MAPRE3: variants seen among roughly 807,000 people sequenced by gnomAD.
The protein encoded by MAPRE3 is microtubule-associated protein RP/EB family member 3.
MAPRE3 carries 2 observed loss-of-function variants against 30.5 expected under a neutral mutation model. The ratio of observed to expected loss-of-function variants is 0.07; its 90% CI spans 0.03 to 0.21. The LOEUF (loss-of-function observed/expected upper bound fraction) is 0.21, where lower values mean the gene tolerates loss of function less well. Ranked by LOEUF, MAPRE3 falls within the 10% of genes least tolerant of loss-of-function variation. MAPRE3 has a pLI of 1.00. For synonymous variants in MAPRE3, 110 were observed against 127.7 expected (o/e 0.86, Z 0.93); for missense variants, 204 against 351.8 (o/e 0.58, Z 3.36).
At chr2:27,023,601 C>T (rs777343894) in intron 3 of MAPRE3, 124 bp downstream of exon 3, 14 of 1,179,528 alleles carry the variant, frequency 1.2e-5, no homozygotes, top group East Asian at 2.4e-5. Context: ...CTCCACCTCC[C>T]GACTCTCCAG....
chr2:26,977,198 G>A (rs1415175055), intron 1 of MAPRE3, among the ~76,000 whole-genome samples: 7 of 152,296 alleles, frequency 4.6e-5, no homozygotes, highest in Admixed American at 3.3e-4. Context: ...GATTAAAAAC[G>A]AATGGCTTTC....
chr2:26,992,682 C>A lies in MAPRE3; in HGVS notation c.-8+21880C>A, dbSNP rs116099971. ...TGACAAATGTAAGATACTGCCTCATCCCTGCCCTTGAATTCATGTTATAGT... is the reference window on the plus strand; with the variant it reads ...TGACAAATGTAAGATACTGCCTCATACCTGCCCTTGAATTCATGTTATAGT... On this transcript the variant is annotated intron_variant, in intron 1 of 6. Coordinates refer to ENST00000233121, the MANE Select transcript of MAPRE3 (RefSeq NM_012326.4). 2.9e-3 allele frequency among the ~76,000 whole-genome samples: 437 copies of A among 152,286 alleles called. 3 individuals are homozygous for A. Among genetic ancestry groups the A allele is most frequent in the African/African-American group, 0.01 (428 of 41,542 alleles).
chr2:27,022,111 A>C, intron 1 of MAPRE3, 101 bp from the exon 2 acceptor site: 3 of 1,381,222 alleles, frequency 2.2e-6, no homozygotes, highest in Non-Finnish European at 3.0e-6. Flanking sequence ...ATCTGGAGGG[A>C]ATGTTTCTTA....
rs1181331190 is a variant in MAPRE3 at position 26,973,726 on chromosome 2, T to C, written c.-8+2924T>C. On this transcript the variant is annotated intron_variant, in intron 1 of 6. Coordinates refer to ENST00000233121, the MANE Select transcript of MAPRE3 (RefSeq NM_012326.4). ...GCCCGCCACCGCGCCCGGCTAATTT[T>C]TTGTATTTTTAGTAGAGACGGGGTT... 2.0e-5 allele frequency among the ~76,000 whole-genome samples: 3 copies of C among 151,704 alleles called. No individual in the cohort carries two copies. In the East Asian group the frequency reaches 5.8e-4, roughly 30 times the overall value.
At chr2:26,999,807 A>G (rs964518806) in intron 1 of MAPRE3, among the ~76,000 whole-genome samples, 2 of 152,062 alleles carry the variant, frequency 1.3e-5, no homozygotes, top group African/African-American at 4.8e-5. Flanking sequence ...CAGCCCAACT[A>G]CATGCACTTT....
chr2:26,989,485 G>C (rs1666291470), intron 1 of MAPRE3, among the ~76,000 whole-genome samples: 1 of 152,198 alleles, frequency 6.6e-6, no homozygotes, highest in Non-Finnish European at 1.5e-5. Context: ...ATCAGGGTAG[G>C]AAAGTCGGTT....
intron 1 of MAPRE3, among the ~76,000 whole-genome samples, chr2:26,998,799 C>T (rs568079729): frequency 6.6e-6 from 1 of 152,328 alleles, no homozygotes; most frequent in South Asian, 2.1e-4. Flanking sequence ...AGAGTACATG[C>T]CAGTGTAAAA....
chr2:27,015,379 C>T lies in MAPRE3; in HGVS notation c.-7-6833C>T, dbSNP rs562427599. Among the ~76,000 whole-genome samples, 7 of 152,314 alleles carry T rather than the reference C, an allele frequency of 4.6e-5. No individual in the cohort carries two copies. The highest frequency in any genetic ancestry group is 1.7e-4 in the African/African-American group (7 of 41,566). On this transcript the variant is annotated intron_variant, in intron 1 of 6. Transcript: ENST00000233121. This position sits in a 1 kb window ranked among gnomAD's most constrained non-coding sequence, Gnocchi z 4.0. ...AGGACACTGAGACCTAAAGTCAAGT[C>T]AGACAGCTAGGACATGGTACAACTA...
At chr2:27,018,285 A>G (rs1022157623) in intron 1 of MAPRE3, among the ~76,000 whole-genome samples, 4 of 152,050 alleles carry the variant, frequency 2.6e-5, no homozygotes, top group Admixed American at 2.6e-4. Context: ...TCATAGGGAA[A>G]TGAGTCTCTG....
At chr2:26,994,532 A>T (rs1666412626) in intron 1 of MAPRE3, among the ~76,000 whole-genome samples, 2 of 152,124 alleles carry the variant, frequency 1.3e-5, no homozygotes, top group South Asian at 4.1e-4. Context: ...TTCCTTTCTA[A>T]CTATCTTTTT....
intron 1 of MAPRE3, among the ~76,000 whole-genome samples, chr2:27,008,934 G>A (rs1309570775): frequency 6.7e-6 from 1 of 150,076 alleles, no homozygotes; most frequent in Admixed American, 6.7e-5. Flanking sequence ...ATGCTGAGAA[G>A]AAAAAAAGCC....
At position 27,023,541 on chromosome 2, in the gene MAPRE3, C is replaced by T. The variant is rs568785918; in HGVS notation, c.267+64C>T. 11 of 1,598,424 alleles carry T rather than the reference C, an allele frequency of 6.9e-6. No individual in the cohort carries two copies. In the Admixed American group the frequency reaches 1.5e-4, roughly 22 times the overall value. ...TGACCCTGGGGAAGAAGAGGACCCA[C>T]CAGCCCAGGCAACTGGGGCTGCTGG... On this transcript the variant is annotated intron_variant, in intron 3 of 6. Coordinates refer to ENST00000233121, the MANE Select transcript of MAPRE3 (RefSeq NM_012326.4).
intron 1 of MAPRE3, among the ~76,000 whole-genome samples, chr2:26,997,415 C>T (rs368007214): frequency 9.2e-5 from 14 of 152,110 alleles, no homozygotes; most frequent in African/African-American, 3.1e-4. Context: ...TTATGTGTGG[C>T]CCAAGACAAT....
chr2:26,995,905 G>A (rs1223331602), intron 1 of MAPRE3, among the ~76,000 whole-genome samples: 4 of 149,780 alleles, frequency 2.7e-5, no homozygotes, highest in South Asian at 2.2e-4. Context: ...CTGATATTCC[G>A]GCCACAGAAG....
At chr2:27,025,153 C>T (rs1667208253) in intron 4 of MAPRE3, among the ~76,000 whole-genome samples, 1 of 152,218 alleles carries the variant, frequency 6.6e-6, no homozygotes, top group Non-Finnish European at 1.5e-5. Context: ...CCTGGAGGGG[C>T]AGCCACCCAG....
intron 1 of MAPRE3, among the ~76,000 whole-genome samples, chr2:26,971,244 AG>A (rs909008729): frequency 1.3e-5 from 2 of 152,108 alleles, no homozygotes; most frequent in African/African-American, 4.8e-5. Flanking sequence ...CAGGAGAGCG[AG>A]GGGAGACTTG....
At chr2:26,980,149 T>C (rs752596528) in intron 1 of MAPRE3, among the ~76,000 whole-genome samples, 57 of 152,076 alleles carry the variant, frequency 3.7e-4, no homozygotes, top group Non-Finnish European at 6.6e-4. Context: ...GAAGAGAAAA[T>C]GTCTGGAAGA....
chr2:27,007,350 T>C (rs190582388), intron 1 of MAPRE3, among the ~76,000 whole-genome samples: 1 of 152,348 alleles, frequency 6.6e-6, no homozygotes, highest in Admixed American at 6.5e-5. Context: ...TTTAGAAAAG[T>C]TGTAAACCTG....
chr2:27,000,716 G>A (rs942227618), intron 1 of MAPRE3, among the ~76,000 whole-genome samples: 1 of 152,242 alleles, frequency 6.6e-6, no homozygotes, highest in Non-Finnish European at 1.5e-5. Context: ...CTCCTAGGCC[G>A]GTGCAGCTGC....
Sources: gnomAD v4.1 joint callset for allele counts (sites outside exome capture counted in the v4.1 genomes callset) on GRCh38, gnomAD v4.1.1 for gene constraint, Gnocchi (gnomAD v3.1) non-coding constraint, MANE v1.5 for transcripts, NCBI Gene and HGNC (gene_info 2026-07-23, HGNC 2026-07-21) for gene names.